KLHL20: variants seen among roughly 807,000 people sequenced by gnomAD.
KLHL20 encodes kelch like family member 20.
In KLHL20, 29 loss-of-function variants were observed where a neutral mutation model predicts 69.5. That is an observed-to-expected ratio of 0.42 (90% CI 0.31 to 0.57). The LOEUF is 0.57. KLHL20 is among the 20% of genes least tolerant of loss of function. The probability of loss-of-function intolerance (pLI) is 0.18; values close to 1 mark genes in which losing one functional copy is unlikely to be tolerated. For synonymous variants in KLHL20, 253 were observed against 265.2 expected (o/e 0.95, Z 0.45); for missense variants, 419 against 776.0 (o/e 0.54, Z 5.47).
chr1:173,732,905 T>C (rs963533994), intron 2 of KLHL20, among the ~76,000 whole-genome samples: 3 of 152,162 alleles, frequency 2.0e-5, no homozygotes, highest in African/African-American at 7.2e-5. Context: ...AATCTTGACC[T>C]GGAGGCTCTT....
At chr1:173,718,307 G>C (rs771938133) in intron 2 of KLHL20, among the ~76,000 whole-genome samples, 3 of 151,930 alleles carry the variant, frequency 2.0e-5, no homozygotes, top group African/African-American at 2.4e-5. Flanking sequence ...GGGAGGCTGA[G>C]GTGGGCTGAT....
intron 11 of KLHL20, among the ~76,000 whole-genome samples, chr1:173,784,167 T>A (rs1649061988): frequency 6.6e-6 from 1 of 152,110 alleles, no homozygotes; most frequent in Admixed American, 6.6e-5. Flanking sequence ...TACCAGTAGA[T>A]GGAAGTGCTG....
chr1:173,731,766 A>G (rs1672291280), intron 2 of KLHL20, among the ~76,000 whole-genome samples: 1 of 151,940 alleles, frequency 6.6e-6, no homozygotes, highest in Admixed American at 6.6e-5. Flanking sequence ...CTAATGTTAA[A>G]TGATGAGTTA....
chr1:173,743,554 C>T (rs1032102421), intron 3 of KLHL20, among the ~76,000 whole-genome samples: 4 of 151,524 alleles, frequency 2.6e-5, no homozygotes, highest in African/African-American at 9.7e-5. Flanking sequence ...AAAAAAAACT[C>T]CATTTTCTGT....
At chr1:173,727,153 G>T (rs1265812273) in intron 2 of KLHL20, among the ~76,000 whole-genome samples, 1 of 151,710 alleles carries the variant, frequency 6.6e-6, no homozygotes, top group Non-Finnish European at 1.5e-5. Flanking sequence ...ATCAGTGATG[G>T]AAGATCAAAT....
intron 2 of KLHL20, among the ~76,000 whole-genome samples, chr1:173,730,507 G>A (rs2102466793): frequency 6.6e-6 from 1 of 152,150 alleles, no homozygotes; most frequent in East Asian, 1.9e-4. Flanking sequence ...GCATGGTACT[G>A]GTACCAAAAC....
chr1:173,746,530 A>G (rs1673066651), intron 3 of KLHL20, among the ~76,000 whole-genome samples: 1 of 152,084 alleles, frequency 6.6e-6, no homozygotes, highest in African/African-American at 2.4e-5. Flanking sequence ...AGGTTTTCAA[A>G]TTTATCTGTA....
intron 2 of KLHL20, among the ~76,000 whole-genome samples, chr1:173,724,552 C>A (rs1671865813): frequency 6.6e-6 from 1 of 152,090 alleles, no homozygotes; most frequent in Non-Finnish European, 1.5e-5. Context: ...TACAAAAATC[C>A]AAATATCTTA....
chr1:173,752,893 G>T (rs1043672553), intron 4 of KLHL20, among the ~76,000 whole-genome samples: 1 of 152,068 alleles, frequency 6.6e-6, no homozygotes, highest in Non-Finnish European at 1.5e-5. Context: ...TATTGGCTGG[G>T]TGCAGTGGTA....
intron 3 of KLHL20, chr1:173,741,926 A>G: frequency 9.3e-7 from 1 of 1,079,378 alleles, no homozygotes; most frequent in Non-Finnish European, 1.4e-6. Flanking sequence ...TGAAAGCAGC[A>G]CTAAAAGCAC....
intron 3 of KLHL20, among the ~76,000 whole-genome samples, chr1:173,750,726 T>C: frequency 6.6e-6 from 1 of 151,848 alleles, no homozygotes; most frequent in East Asian, 1.9e-4. Context: ...AGCTAATTTT[T>C]TTATTTTTTA....
At chr1:173,741,927 C>A in intron 3 of KLHL20, 1 of 1,078,324 alleles carries the variant, frequency 9.3e-7, no homozygotes, top group African/African-American at 1.6e-5. Flanking sequence ...GAAAGCAGCA[C>A]TAAAAGCACT....
At chr1:173,727,895 T>C (rs1672057687) in intron 2 of KLHL20, among the ~76,000 whole-genome samples, 2 of 152,084 alleles carry the variant, frequency 1.3e-5, no homozygotes, top group African/African-American at 2.4e-5. Context: ...AATCCACACA[T>C]AACAATATTA....
intron 2 of KLHL20, among the ~76,000 whole-genome samples, chr1:173,717,588 C>T (rs1245744288): frequency 1.3e-5 from 2 of 152,202 alleles, no homozygotes; most frequent in African/African-American, 2.4e-5. Context: ...TGGGTTTATA[C>T]TCAGTTGCTA....
chr1:173,735,599 C>G lies in KLHL20; in HGVS notation c.597+1313C>G, dbSNP rs368520453. ...TTGCAGTAAAGTGGTCAGCTCAGGA[C>G]CATAGTTTTTTTCCCCCTAATAGTT... On this transcript the variant is annotated intron_variant, in intron 3 of 11. Transcript: ENST00000209884. Among the ~76,000 whole-genome samples, 3 of 152,040 alleles carry G rather than the reference C, an allele frequency of 2.0e-5. No individual in the cohort carries two copies. The East Asian group carries it at 5.8e-4, about 29-fold the overall frequency.
chr1:173,781,170 T>G (rs547997451), intron 10 of KLHL20, among the ~76,000 whole-genome samples: 1 of 152,034 alleles, frequency 6.6e-6, no homozygotes, highest in Non-Finnish European at 1.5e-5. Context: ...ACTGCAGCAA[T>G]AGGATTCATT....
chr1:173,728,394 T>G, intron 2 of KLHL20, among the ~76,000 whole-genome samples: 1 of 152,200 alleles, frequency 6.6e-6, no homozygotes, highest in East Asian at 1.9e-4. Flanking sequence ...CAAGTGGACC[T>G]AATAGACATC....
At chr1:173,754,536 A>G (rs186741231) in intron 5 of KLHL20, among the ~76,000 whole-genome samples, 1 of 151,190 alleles carries the variant, frequency 6.6e-6, no homozygotes, top group East Asian at 1.9e-4. Flanking sequence ...GTGAGCCAAG[A>G]TCACACCATT....
chr1:173,753,985 C>T (rs1673423901), intron 5 of KLHL20, among the ~76,000 whole-genome samples: 1 of 152,134 alleles, frequency 6.6e-6, no homozygotes, highest in Admixed American at 6.5e-5. Flanking sequence ...CATTTTTCCC[C>T]AGCATGTCCC....
Sources: gnomAD v4.1 joint callset for allele counts (sites outside exome capture counted in the v4.1 genomes callset) on GRCh38, gnomAD v4.1.1 for gene constraint, MANE v1.5 for transcripts, NCBI Gene and HGNC (gene_info 2026-07-23, HGNC 2026-07-21) for gene names.